TASP1: variants seen among roughly 807,000 people sequenced by gnomAD.
The protein encoded by TASP1 is threonine aspartase 1.
Under a neutral mutation model 56.6 loss-of-function variants are expected in TASP1, and 16 were observed. The ratio of observed to expected loss-of-function variants is 0.28; its 90% CI spans 0.19 to 0.43. The LOEUF (loss-of-function observed/expected upper bound fraction) is 0.43. Among genes scored for constraint, TASP1 ranks in the 20% least tolerant of loss-of-function variants. The pLI, the probability that TASP1 is intolerant of heterozygous loss-of-function variation, is 1.00. For synonymous variants in TASP1, 179 were observed against 184.2 expected (o/e 0.97, Z 0.23); for missense variants, 393 against 511.6 (o/e 0.77, Z 2.24).
At chr20:13,203,846 T>C in the TASP1 span, among the ~76,000 whole-genome samples, 19 of 152,224 alleles carry the variant, frequency 1.2e-4, no homozygotes, top group African/African-American at 4.6e-4. Context: ...GATTAGGGGC[T>C]GGCTGATTCA....
the TASP1 span, among the ~76,000 whole-genome samples, chr20:13,127,044 C>T: frequency 6.6e-6 from 1 of 152,230 alleles, no homozygotes; most frequent in Non-Finnish European, 1.5e-5. Flanking sequence ...TTGCTTGGGG[C>T]TGTCACTTGT....
At chr20:13,531,610 T>C (rs1601143917) in intron 9 of TASP1, among the ~76,000 whole-genome samples, 2 of 151,632 alleles carry the variant, frequency 1.3e-5, no homozygotes, top group African/African-American at 4.8e-5. Context: ...CCTGCCTCAG[T>C]CTCCCCAAGT....
At chr20:13,168,950 CAT>C in the TASP1 span, 10 of 148,506 alleles carry the variant, frequency 6.7e-5, no homozygotes, top group Non-Finnish European at 1.4e-4. Context: ...GTGGGGTGTG[CAT>C]GTGTGTGTGT....
chr20:13,579,392 G>A (rs140585980), intron 6 of TASP1, among the ~76,000 whole-genome samples: 1,806 of 150,122 alleles, frequency 0.012, 26 homozygotes, highest in African/African-American at 0.039. Flanking sequence ...TTTTTGAGAC[G>A]GAGTCTCGCT....
intron 11 of TASP1, among the ~76,000 whole-genome samples, chr20:13,436,870 T>A (rs1185954105): frequency 6.6e-6 from 1 of 152,158 alleles, no homozygotes; most frequent in Non-Finnish European, 1.5e-5. Flanking sequence ...GGTTTTTAGT[T>A]CGGCTTAGCG....
At chr20:13,410,927 C>T (rs2123711659) in intron 13 of TASP1, among the ~76,000 whole-genome samples, 1 of 152,052 alleles carries the variant, frequency 6.6e-6, no homozygotes, top group East Asian at 1.9e-4. Context: ...GAAGTATTTT[C>T]CCTATGTTTT....
At chr20:13,532,118 C>T (rs1382813608) in intron 9 of TASP1, among the ~76,000 whole-genome samples, 1 of 151,816 alleles carries the variant, frequency 6.6e-6, no homozygotes, top group African/African-American at 2.4e-5. Context: ...CATGTTGGCC[C>T]GGCTGGTCTT....
intron 10 of TASP1, among the ~76,000 whole-genome samples, chr20:13,493,647 T>C (rs767870129): frequency 1.4e-4 from 21 of 152,188 alleles, no homozygotes; most frequent in African/African-American, 4.8e-4. Flanking sequence ...GAGCCACTAC[T>C]GGATTCTTTC....
chr20:13,185,505 A>G, the TASP1 span, among the ~76,000 whole-genome samples: 2 of 152,152 alleles, frequency 1.3e-5, no homozygotes, highest in Non-Finnish European at 2.9e-5. Flanking sequence ...TTACTATATC[A>G]TGTTTACCCT....
intron 7 of TASP1, among the ~76,000 whole-genome samples, chr20:13,562,997 TACACACACATAGGTGTATATATAC>T (rs2046399801): frequency 7.2e-6 from 1 of 139,782 alleles, no homozygotes; most frequent in African/African-American, 2.6e-5. Context: ...TACACATATA[TACACACACATAGGTGTATATATAC>T]ACACACATAC....
intron 11 of TASP1, among the ~76,000 whole-genome samples, chr20:13,460,855 C>T (rs998046402): frequency 7.2e-5 from 11 of 152,110 alleles, no homozygotes; most frequent in African/African-American, 1.9e-4. Context: ...CTATCTAGTC[C>T]GTCAGGTTCT....
chr20:13,528,612 T>C (rs1054491581), intron 9 of TASP1, 101 bp from the exon 10 acceptor site: 47 of 1,011,956 alleles, frequency 4.6e-5, no homozygotes, highest in Non-Finnish European at 6.3e-5. Context: ...GGTTTAATAA[T>C]GATGTAAAAC....
intron 13 of TASP1, among the ~76,000 whole-genome samples, chr20:13,411,786 A>C (rs1024991992): frequency 6.6e-6 from 1 of 152,158 alleles, no homozygotes; most frequent in African/African-American, 2.4e-5. Context: ...CATGTTGCTA[A>C]GGTGTTCGTT....
the TASP1 span, among the ~76,000 whole-genome samples, chr20:13,130,350 A>G: frequency 6.6e-5 from 10 of 152,240 alleles, no homozygotes; most frequent in Admixed American, 5.9e-4. Flanking sequence ...CTTCATCTTC[A>G]GCCCACTCCA....
chr20:13,472,960 T>G (rs1226807677), intron 11 of TASP1, among the ~76,000 whole-genome samples: 2 of 152,072 alleles, frequency 1.3e-5, no homozygotes, highest in East Asian at 3.9e-4. Context: ...AGAAAGACCA[T>G]TTGACCCAGC....
At chr20:13,159,989 TG>T in the TASP1 span, 1 of 1,531,618 alleles carries the variant, frequency 6.5e-7, no homozygotes, top group Admixed American at 2.0e-5. Flanking sequence ...TTTCTTTTTT[TG>T]CTTTTCCTTA....
At chr20:13,389,276 G>A (rs6131469), downstream of TASP1, 17 of 152,324 alleles carry the variant, frequency 1.1e-4, no homozygotes, top group East Asian at 3.1e-3. Context: ...CATCTTGCCA[G>A]TGTCTTCTTT....
intron 4 of TASP1, among the ~76,000 whole-genome samples, chr20:13,599,791 T>TA (rs35137286): frequency 0.065 from 9,260 of 141,532 alleles, 368 homozygotes; most frequent in African/African-American, 0.1. Context: ...ATTCGTGATT[T>TA]AAAAAAAAAA....
chr20:13,240,822 G>A, the TASP1 span, among the ~76,000 whole-genome samples: 1 of 152,154 alleles, frequency 6.6e-6, no homozygotes, highest in Non-Finnish European at 1.5e-5. Flanking sequence ...ATATGCTGTT[G>A]GATTGCATTT....
Sources: gnomAD v4.1 joint callset for allele counts (sites outside exome capture counted in the v4.1 genomes callset) on GRCh38, gnomAD v4.1.1 for gene constraint, MANE v1.5 for transcripts, NCBI Gene and HGNC (gene_info 2026-07-23, HGNC 2026-07-21) for gene names.